The following DENND2D variants were observed in gnomAD, a reference collection of about 807,000 sequenced individuals.
The protein encoded by DENND2D is DENN domain containing 2D.
Under a neutral mutation model 59.8 loss-of-function variants are expected in DENND2D, and 37 were observed. The observed-to-expected ratio is 0.62, with a 90% CI of 0.48 to 0.81. The LOEUF is 0.81. Ranked by LOEUF, DENND2D falls within the 40% of genes least tolerant of loss-of-function variation. The probability of loss-of-function intolerance (pLI) is 0.00; values close to 1 mark genes in which losing one functional copy is unlikely to be tolerated. For synonymous variants in DENND2D, 219 were observed against 211.3 expected (o/e 1.04, Z -0.31); for missense variants, 525 against 579.7 (o/e 0.91, Z 0.97).
At chr1:111,199,595 C>A in intron 2 of DENND2D, 28 bp downstream of exon 2, 2 of 1,597,812 alleles carry the variant, frequency 1.3e-6, no homozygotes. Context: ...AGTCCTCTGG[C>A]TGGCCCTGCC....
upstream of DENND2D, chr1:111,202,478 G>A (rs1277094034): frequency 6.6e-6 from 1 of 152,124 alleles, no homozygotes; most frequent in African/African-American, 2.4e-5. Context: ...AGTTTTAGTT[G>A]AGGAGGGAGC....
chr1:111,191,473 A>T (rs576140560), intron 8 of DENND2D, among the ~76,000 whole-genome samples: 1 of 152,270 alleles, frequency 6.6e-6, no homozygotes, highest in African/African-American at 2.4e-5. Flanking sequence ...ACTCTAAAGC[A>T]CATGTTTTGA....
rs112079109 is a variant in DENND2D at position 111,197,810 on chromosome 1, C to T, written c.426+110G>A. The T allele has an allele frequency of 3.2e-6, 5 of 1,543,064 alleles. No individual in the cohort carries two copies. In the African/African-American group the frequency reaches 4.1e-5, roughly 13 times the overall value. Reference sequence around the variant, plus strand: ...CAGGTCCTGGGCTGTGCTTTTTCTACAACCAGTGCTGCCAATAAGCCCGGA... The same window carrying T: ...CAGGTCCTGGGCTGTGCTTTTTCTATAACCAGTGCTGCCAATAAGCCCGGA... On this transcript the variant is annotated intron_variant, in intron 4 of 11. Transcript: ENST00000357640.
intron 5 of DENND2D, chr1:111,196,935 T>G: frequency 2.1e-6 from 1 of 472,656 alleles, no homozygotes. Flanking sequence ...TTCAACTACT[T>G]TCTTACTTGG....
chr1:111,192,429 G>A, intron 7 of DENND2D, 112 bp from the exon 8 acceptor site: 3 of 1,174,534 alleles, frequency 2.6e-6, no homozygotes, highest in East Asian at 2.8e-5. Context: ...ATGCCCATGG[G>A]CAGAAAGGCA....
At chr1:111,196,990 T>C in intron 5 of DENND2D, 186 bp downstream of exon 5, 2 of 647,092 alleles carry the variant, frequency 3.1e-6, no homozygotes, top group East Asian at 5.7e-5. Flanking sequence ...TCCAGTCCCC[T>C]AGATTCAATT....
intron 7 of DENND2D, among the ~76,000 whole-genome samples, chr1:111,194,175 C>G (rs947610364): frequency 1.3e-5 from 2 of 152,180 alleles, no homozygotes; most frequent in Admixed American, 1.3e-4. Flanking sequence ...TGTATCTTCC[C>G]AATGCTTGGC....
At position 111,188,982 on chromosome 1, in the gene DENND2D, G is replaced by A. The variant is rs567286911; in HGVS notation, c.1015-196C>T. Among the ~76,000 whole-genome samples the A allele has an allele frequency of 1.5e-4, 23 of 152,226 alleles. No individual in the cohort carries two copies. The South Asian group carries it at 2.3e-3, about 15-fold the overall frequency. ...ATTAGCAAGGGATCCTCTCCATCCC[G>A]GTGGTACTTGATTTATATCCCTTGC... On this transcript the variant is annotated intron_variant, in intron 9 of 11. Coordinates refer to ENST00000357640, the MANE Select transcript of DENND2D (RefSeq NM_024901.5).
chr1:111,201,121 T>C (rs1658762615), upstream of DENND2D: 1 of 153,544 alleles, frequency 6.5e-6, no homozygotes, highest in Non-Finnish European at 1.5e-5. Flanking sequence ...ATAAATAGAC[T>C]TGGCCTAATA....
In DENND2D at chr1:111,198,653, C is replaced by T. The variant is rs764899669; in HGVS notation, c.333G>A (p.Trp111Ter). 2.2e-5 allele frequency: 36 copies of T among 1,614,034 alleles called. No individual in the cohort carries two copies. The highest frequency in any genetic ancestry group is 3.1e-5 in the Non-Finnish European group (36 of 1,179,952). Residue 111 changes from tryptophan (W) to a stop codon, truncating the protein, a stop_gained, in exon 3 of 12, where the codon TGG becomes TGA. Coordinates refer to ENST00000357640, the MANE Select transcript of DENND2D (RefSeq NM_024901.5). LOFTEE classifies it high-confidence loss of function. ...ACCTGGGATACTCGGTGAGTGATGC[C>T]CACTCATTCCCATCTGGGAAGCAGA... ...PLFCFPDGNE[W>*]ASLTEYPRET...
intron 1 of DENND2D, 64 bp downstream of exon 1, chr1:111,200,329 G>A (rs1035682019): frequency 4.0e-5 from 63 of 1,568,170 alleles, no homozygotes; most frequent in Admixed American, 2.0e-4. Flanking sequence ...GCATTTCAAG[G>A]AAGAAACAGT....
At chr1:111,194,911 G>C (rs1432105379) in intron 6 of DENND2D, among the ~76,000 whole-genome samples, 185 bp from the exon 7 acceptor site, 4 of 151,976 alleles carry the variant, frequency 2.6e-5, no homozygotes, top group Non-Finnish European at 5.9e-5. Context: ...GGCCCATAAT[G>C]TCCTGCACCC....
upstream of DENND2D, chr1:111,204,219 G>A: frequency 7.2e-7 from 1 of 1,385,478 alleles, no homozygotes. Context: ...CCCTCCACCG[G>A]GCCCCAGCCG....
Position 111,200,012 on chromosome 1 carries a change from A to G in DENND2D, c.68-214T>C. 5 of 639,460 alleles carry G rather than the reference A, an allele frequency of 7.8e-6. No homozygotes were observed. The South Asian group carries it at 1.1e-4, about 14-fold the overall frequency. 39.6% of individuals were successfully genotyped at this position (639,460 alleles called of 1,614,324 possible). A position where few individuals can be genotyped will look rare whatever the true frequency, so the allele number is the denominator to read the frequency against. The stretch of plus-strand genomic sequence containing the variant: ...GACTTGAAACCATGGGGAGCCAAGC[A>G]GAGGAAAGAAACCACTGACACAGAA... On this transcript the variant is annotated intron_variant, in intron 1 of 11. Transcript: ENST00000357640.
At position 111,200,613 on chromosome 1, in the gene DENND2D, T is replaced by A. The variant is rs147033190; in HGVS notation, c.-154A>T. 10,687 of 1,446,872 alleles carry A rather than the reference T, an allele frequency of 7.4e-3. 52 individuals carry two copies. Among genetic ancestry groups the A allele is most frequent in the Non-Finnish European group, 8.5e-3 (9,280 of 1,089,816 alleles). The allele number at this position is 1,446,872 out of a possible 1,614,324, so 89.6% of individuals were successfully genotyped here. On this transcript the variant is annotated 5_prime_UTR_variant, in exon 1 of 12. An upstream start codon of the reference 5' UTR is lost. Coordinates refer to ENST00000357640, the MANE Select transcript of DENND2D (RefSeq NM_024901.5). ...TCCAGAGAGGGAATAGAAGTTTCCATCCTGTGCACCCAGTGGTTGAGCAAG... is the reference window on the plus strand; with the variant it reads ...TCCAGAGAGGGAATAGAAGTTTCCAACCTGTGCACCCAGTGGTTGAGCAAG...
At position 111,188,241 on chromosome 1, in the gene DENND2D, C is replaced by A; in HGVS notation, c.1229G>T (p.Cys410Phe). ...GQGHFQERSF[C>F]KALTSKTNRR... ...GTTGGTCTTGGAGGTCAGAGCCTTA[C>A]AGAAGGATCTTTCTTGGAAGTGGCC... Residue 410 changes from cysteine (C) to phenylalanine (F), a missense_variant, in exon 11 of 12, where the codon TGT becomes TTT. By Grantham distance (205) the Cys-to-Phe change is radical (BLOSUM62 -2). Coordinates refer to ENST00000357640, the MANE Select transcript of DENND2D (RefSeq NM_024901.5). The A allele has an allele frequency of 6.2e-7, 1 of 1,614,180 alleles. No individual in the cohort carries two copies. The highest frequency in any genetic ancestry group is 1.1e-5 in the South Asian group (1 of 91,080).
chr1:111,198,805 T>C, intron 2 of DENND2D, 63 bp from the exon 3 acceptor site: 1 of 1,567,080 alleles, frequency 6.4e-7, no homozygotes, highest in Non-Finnish European at 8.8e-7. Context: ...AGGAGACAGC[T>C]TCAGAGCTGG....
rs751180016 is a variant in DENND2D at position 111,187,637 on chromosome 1, GTTTC to G, written c.1380_1383del (p.Lys460AsnfsTer10). The G allele has an allele frequency of 6.2e-7, 1 of 1,613,830 alleles. No individual in the cohort carries two copies. Among genetic ancestry groups the G allele is most frequent in the South Asian group, 1.1e-5 (1 of 91,058 alleles). On this transcript the variant is annotated frameshift_variant, in exon 12 of 12. Transcript: ENST00000357640. LOFTEE classifies it high-confidence loss of function. ...ACAGTTTTTTCCCTTGGTTTCTTCT[GTTTC>G]TTCTGTTCCTCATATTCAAGTATTT...
chr1:111,188,612 G>A, intron 10 of DENND2D, 90 bp downstream of exon 10: 1 of 1,316,750 alleles, frequency 7.6e-7, no homozygotes, highest in South Asian at 1.2e-5. Context: ...TAGGACTACT[G>A]AATGAGTTCA....
Sources: allele counts gnomAD v4.1 joint callset (sites outside exome capture counted in the v4.1 genomes callset), GRCh38; gene constraint gnomAD v4.1.1; transcripts MANE v1.5; gene names NCBI Gene and HGNC (gene_info 2026-07-23, HGNC 2026-07-21).